Variants in BDNF observed in about 807,000 individuals in gnomAD.
BDNF encodes the protein neurotrophic factor BDNF precursor form.
BDNF carries 1 observed loss-of-function variant against 19.5 expected under a neutral mutation model. The observed-to-expected ratio is 0.05, with a 90% CI of 0.02 to 0.24. BDNF has a LOEUF of 0.24. Ranked by LOEUF, BDNF falls within the 10% of genes least tolerant of loss-of-function variation. BDNF has a pLI of 1.00. For synonymous variants in BDNF, 100 were observed against 121.6 expected (o/e 0.82, Z 1.17); for missense variants, 195 against 317.6 (o/e 0.61, Z 2.93).
chr11:27,712,761 C>T (rs188007215), intron 1 of BDNF, among the ~76,000 whole-genome samples: 34 of 151,656 alleles, frequency 2.2e-4, no homozygotes, highest in African/African-American at 7.3e-4. Flanking sequence ...GTGATCCACC[C>T]GCCTTGGCCT....
chr11:27,720,434 G>A, intron 1 of BDNF: 1 of 985,816 alleles, frequency 1.0e-6, no homozygotes, highest in Non-Finnish European at 1.2e-6. Flanking sequence ...CCAACCCGGA[G>A]CTTGCCAAGA....
chr11:27,701,498 A>T, upstream of BDNF: 1 of 989,492 alleles, frequency 1.0e-6, no homozygotes, highest in Non-Finnish European at 1.2e-6. Flanking sequence ...TGGAAATTGC[A>T]TGGCGGAGGT....
chr11:27,718,975 T>A (rs1564999133), intron 1 of BDNF, among the ~76,000 whole-genome samples: 2 of 152,096 alleles, frequency 1.3e-5, no homozygotes, highest in African/African-American at 2.4e-5. Context: ...CTTGGCTCTG[T>A]GGCCGGAACA....
upstream of BDNF, chr11:27,700,919 A>G (rs1049945953): frequency 1.5e-6 from 2 of 1,332,728 alleles, no homozygotes; most frequent in South Asian, 1.2e-5. Flanking sequence ...TCCCCATCCC[A>G]GCACCCAAGT....
intron 1 of BDNF, chr11:27,720,302 G>A (rs1860699913): frequency 1.0e-6 from 1 of 982,810 alleles, no homozygotes; most frequent in Non-Finnish European, 1.2e-6. Context: ...TATCAAAATA[G>A]CTCAAGAATT....
At chr11:27,669,305 G>T (rs1277718694) in intron 1 of BDNF, among the ~76,000 whole-genome samples, 2 of 152,196 alleles carry the variant, frequency 1.3e-5, no homozygotes, top group Non-Finnish European at 2.9e-5. Context: ...ATGTCATACT[G>T]AATGGGCAAA....
intron 1 of BDNF, among the ~76,000 whole-genome samples, chr11:27,669,622 CAGAG>C (rs1389963080): frequency 7.2e-5 from 11 of 152,150 alleles, no homozygotes; most frequent in African/African-American, 7.2e-5. Context: ...AACAGACAAA[CAGAG>C]AGCCAAATCA....
At chr11:27,711,602 T>C (rs553290106) in intron 1 of BDNF, among the ~76,000 whole-genome samples, 1 of 152,334 alleles carries the variant, frequency 6.6e-6, no homozygotes, top group South Asian at 2.1e-4. Context: ...TAATGGACTT[T>C]GGAACCAGAA....
intron 1 of BDNF, 91 bp downstream of exon 1, chr11:27,700,073 C>T (rs1177094503): frequency 1.0e-6 from 1 of 977,732 alleles, no homozygotes; most frequent in African/African-American, 1.8e-5. Flanking sequence ...CTGGCCTCGT[C>T]CCACAACTTT....
In BDNF at chr11:27,656,976, T is replaced by G. The variant is rs2133773254; in HGVS notation, c.*845A>C. The G allele has an allele frequency of 7.1e-6, 7 of 985,362 alleles. No homozygotes were observed. The highest frequency in any genetic ancestry group is 2.3e-4 in the East Asian group (2 of 8,802). 61.0% of individuals were successfully genotyped at this position (985,362 alleles called of 1,614,324 possible). A position where few individuals can be genotyped will look rare whatever the true frequency, so the allele number is the denominator to read the frequency against. ...AGGGGGAGGGGGGGAAAGAATGTGT[T>G]CTGAGCAAACATAGGTCCTTCCGTC... On this transcript the variant is annotated 3_prime_UTR_variant, in exon 2 of 2. Transcript: ENST00000356660.
At position 27,657,508 on chromosome 11, in the gene BDNF, C is replaced by T; in HGVS notation, c.*313G>A. The T allele has an allele frequency of 1.8e-6, 2 of 1,122,812 alleles. No homozygotes were observed. The highest frequency in any genetic ancestry group is 5.2e-5 in the South Asian group (2 of 38,794). 69.6% of individuals were successfully genotyped at this position (1,122,812 alleles called of 1,614,324 possible). ...AAGAGGACAGTTTATTATCAATTCACAATTAAAGCAGCATGCAATTTATTA... is the reference window on the plus strand; with the variant it reads ...AAGAGGACAGTTTATTATCAATTCATAATTAAAGCAGCATGCAATTTATTA... On this transcript the variant is annotated 3_prime_UTR_variant, in exon 2 of 2. Transcript: ENST00000356660. The surrounding 1 kb of genome is among the most constrained non-coding windows in gnomAD (Gnocchi z 5.0).
chr11:27,673,421 GAA>G (rs1216720420), intron 1 of BDNF, among the ~76,000 whole-genome samples: 1 of 152,094 alleles, frequency 6.6e-6, no homozygotes, highest in Non-Finnish European at 1.5e-5. Flanking sequence ...ACAAGAGAGA[GAA>G]AGAGAAAAAA....
intron 1 of BDNF, among the ~76,000 whole-genome samples, chr11:27,664,033 G>GAA (rs371569389): frequency 7.0e-6 from 1 of 143,558 alleles, no homozygotes; most frequent in Non-Finnish European, 1.5e-5. Flanking sequence ...CAGGCATACA[G>GAA]AAAAAAAAAA....
intron 1 of BDNF, chr11:27,699,650 G>A: frequency 7.0e-7 from 1 of 1,432,106 alleles, no homozygotes; most frequent in Non-Finnish European, 9.1e-7. Flanking sequence ...TCAATTCCTG[G>A]GGAGCAGGTA....
intron 1 of BDNF, among the ~76,000 whole-genome samples, chr11:27,709,591 A>G (rs951654289): frequency 3.9e-5 from 6 of 152,184 alleles, no homozygotes; most frequent in Admixed American, 2.0e-4. Flanking sequence ...TTGTCATATG[A>G]TATTATTTTA....
At chr11:27,708,956 G>A (rs985688022) in intron 1 of BDNF, among the ~76,000 whole-genome samples, 3 of 149,552 alleles carry the variant, frequency 2.0e-5, no homozygotes, top group African/African-American at 7.4e-5. Flanking sequence ...AGCCTCCCAA[G>A]TAGCTGGGAT....
In BDNF at chr11:27,686,887, G is replaced by A. The variant is rs142050551; in HGVS notation, c.-22+13277C>T. Among the ~76,000 whole-genome samples the A allele has an allele frequency of 7.3e-3, 1,104 of 152,080 alleles. 11 individuals carry two copies. Among genetic ancestry groups the A allele is most frequent in the African/African-American group, 0.025 (1,029 of 41,480 alleles). On this transcript the variant is annotated intron_variant, in intron 1 of 1. Coordinates refer to ENST00000356660, the MANE Select transcript of BDNF (RefSeq NM_001709.5). ...TGAATCTGACAATTACATGTCTTGG[G>A]TTTGCTCTTCTTGAGGGGTATCTTT...
At chr11:27,719,232 TC>T (rs991186597) in intron 1 of BDNF, among the ~76,000 whole-genome samples, 6 of 152,116 alleles carry the variant, frequency 3.9e-5, no homozygotes, top group Non-Finnish European at 7.4e-5. Flanking sequence ...CCACCGCCAG[TC>T]CCCTGCCCAC....
intron 1 of BDNF, among the ~76,000 whole-genome samples, chr11:27,718,336 T>C (rs1355722636): frequency 7.1e-6 from 1 of 140,822 alleles, no homozygotes; most frequent in African/African-American, 2.5e-5. Context: ...TGCTCCTCCA[T>C]TCCCCGTTCC....
Sources: allele counts gnomAD v4.1 joint callset (sites outside exome capture counted in the v4.1 genomes callset), GRCh38; gene constraint gnomAD v4.1.1; non-coding constraint Gnocchi (gnomAD v3.1); transcripts MANE v1.5; gene names NCBI Gene and HGNC (gene_info 2026-07-23, HGNC 2026-07-21).